The following FSTL5 variants were observed in gnomAD, a reference collection of about 807,000 sequenced individuals.
FSTL5 encodes follistatin like 5, also known as follistatin-related protein 5.
A neutral mutation model predicts 89.1 loss-of-function variants in FSTL5; 62 were observed. The ratio of observed to expected loss-of-function variants is 0.70; its 90% confidence interval spans 0.57 to 0.86. FSTL5 has a LOEUF of 0.86. Ranked by LOEUF, FSTL5 falls within the 40% of genes least tolerant of loss-of-function variation. FSTL5 has a pLI of 0.00. For missense variants in FSTL5, 1,057 were observed against 1,001.6 expected, an observed-to-expected ratio of 1.06 and a Z score of -0.75; for synonymous variants, 383 against 346.2, an observed-to-expected ratio of 1.11 and a Z score of -1.18.
chr4:161,841,895 G>T (rs1731223286), intron 4 of FSTL5, among the ~76,000 whole-genome samples: 1 of 152,120 alleles, frequency 6.6e-6, no homozygotes. Flanking sequence ...TCCCAGCTGG[G>T]CTGCCGGTCT....
At chr4:161,640,120 C>G (rs772240531) in intron 7 of FSTL5, among the ~76,000 whole-genome samples, 1 of 152,102 alleles carries the variant, frequency 6.6e-6, no homozygotes, top group African/African-American at 2.4e-5. Flanking sequence ...ATATCTCAGA[C>G]AGATCTTTGG....
chr4:161,892,002 A>AT (rs199758624), intron 4 of FSTL5, among the ~76,000 whole-genome samples: 19 of 149,816 alleles, frequency 1.3e-4, no homozygotes, highest in South Asian at 4.2e-4. Flanking sequence ...TTTTGCTTCA[A>AT]TTTTTTTTTT....
At chr4:162,134,635 G>A (rs1339581619) in intron 1 of FSTL5, among the ~76,000 whole-genome samples, 1 of 152,184 alleles carries the variant, frequency 6.6e-6, no homozygotes, top group Admixed American at 6.5e-5. Context: ...CATGGAGATT[G>A]TAATTTCATA....
At position 161,384,054 on chromosome 4, in the gene FSTL5, T is replaced by C. The variant is rs1419700676; in HGVS notation, c.*1693A>G. ...TGGTTCATGTTCACAAGGAAGAAAA[T>C]TGCTAAAAAGTAAAGCAGATTCAAT... On this transcript the variant is annotated 3_prime_UTR_variant, in exon 16 of 16. Transcript: ENST00000306100. The C allele has an allele frequency of 2.6e-5, 4 of 152,074 alleles. No homozygotes were observed. Among genetic ancestry groups the C allele is most frequent in the South Asian group, 2.1e-4 (1 of 4,822 alleles). The allele number at this position is 152,074 out of a possible 1,614,324, so 9.4% of individuals were successfully genotyped here.
chr4:161,424,348 T>C (rs1411451669), intron 15 of FSTL5, among the ~76,000 whole-genome samples: 1 of 151,872 alleles, frequency 6.6e-6, no homozygotes, highest in African/African-American at 2.4e-5. Context: ...AATAATCATT[T>C]ACTGTTTAGT....
At chr4:161,831,518 T>C (rs540590940) in intron 4 of FSTL5, among the ~76,000 whole-genome samples, 1 of 149,522 alleles carries the variant, frequency 6.7e-6, no homozygotes, top group African/African-American at 2.5e-5. Flanking sequence ...GCTGTTTTGT[T>C]ACAAAAAAAA....
chr4:161,428,785 C>T (rs116217202), intron 15 of FSTL5, among the ~76,000 whole-genome samples: 2,230 of 152,148 alleles, frequency 0.015, 48 homozygotes, highest in African/African-American at 0.051. Flanking sequence ...TCAAGTGTGA[C>T]GAAGCACATT....
intron 3 of FSTL5, among the ~76,000 whole-genome samples, chr4:162,016,882 A>T (rs1328674237): frequency 6.6e-5 from 10 of 151,970 alleles, no homozygotes; most frequent in Admixed American, 6.6e-4. Flanking sequence ...CCATTTCAGC[A>T]TCTTTTGGAG....
At chr4:161,729,222 A>C (rs1739520225) in intron 6 of FSTL5, among the ~76,000 whole-genome samples, 1 of 152,172 alleles carries the variant, frequency 6.6e-6, no homozygotes, top group Non-Finnish European at 1.5e-5. Flanking sequence ...GGCCAGAATA[A>C]CAAATGATTT....
chr4:161,980,764 C>CT (rs34223215), intron 3 of FSTL5, among the ~76,000 whole-genome samples: 9,033 of 71,838 alleles, frequency 0.13, 2,078 homozygotes, highest in East Asian at 0.2. Context: ...CTTCAAGTAA[C>CT]TTTTTTTTTT....
chr4:161,428,105 A>C (rs1046735821), intron 15 of FSTL5, among the ~76,000 whole-genome samples: 2 of 152,088 alleles, frequency 1.3e-5, no homozygotes, highest in African/African-American at 4.8e-5. Flanking sequence ...AGGACTTTGC[A>C]ATGGAACTCA....
chr4:162,110,279 C>T (rs538769402), intron 2 of FSTL5, among the ~76,000 whole-genome samples: 7 of 151,992 alleles, frequency 4.6e-5, no homozygotes, highest in Admixed American at 4.6e-4. Context: ...AAAATAGTTA[C>T]TTCTTCATAA....
At chr4:162,024,737 T>C (rs765236370) in intron 3 of FSTL5, among the ~76,000 whole-genome samples, 27 of 152,100 alleles carry the variant, frequency 1.8e-4, no homozygotes, top group Non-Finnish European at 3.5e-4. Context: ...TCATAGTTAC[T>C]GCAGCCTTTA....
intron 13 of FSTL5, among the ~76,000 whole-genome samples, chr4:161,471,915 A>G (rs1028984547): frequency 1.3e-5 from 2 of 150,980 alleles, no homozygotes; most frequent in African/African-American, 4.9e-5. Flanking sequence ...TTCATTTTAG[A>G]TTTTATTAAT....
rs186060140 is a variant in FSTL5, at chr4:161,484,084, T to C, written c.1459-2915A>G. ...AAATTTTAATTAGCAATTTAAATAA[T>C]GTTACTCATATCTGATTTGCTAAGC... On this transcript the variant is annotated intron_variant, in intron 12 of 15. Coordinates refer to ENST00000306100, the MANE Select transcript of FSTL5 (RefSeq NM_020116.5). Among the ~76,000 whole-genome samples, 883 of 152,276 alleles carry C rather than the reference T, an allele frequency of 5.8e-3. 9 individuals carry two copies. The highest frequency in any genetic ancestry group is 0.021 in the African/African-American group (853 of 41,550).
chr4:161,525,317 C>A (rs551931041), intron 10 of FSTL5, among the ~76,000 whole-genome samples: 11 of 152,254 alleles, frequency 7.2e-5, no homozygotes, highest in Non-Finnish European at 1.3e-4. Context: ...CATGAATGAA[C>A]AAACCCATTG....
chr4:161,621,650 A>G (rs1033972956), intron 7 of FSTL5, among the ~76,000 whole-genome samples: 1 of 152,030 alleles, frequency 6.6e-6, no homozygotes, highest in Non-Finnish European at 1.5e-5. Flanking sequence ...AAACTCCCCT[A>G]AGATTCATAA....
At chr4:161,406,343 A>T (rs1483540037) in intron 15 of FSTL5, among the ~76,000 whole-genome samples, 3 of 151,870 alleles carry the variant, frequency 2.0e-5, no homozygotes, top group African/African-American at 7.3e-5. Flanking sequence ...TCTTTTAGTG[A>T]TTTCTATTTT....
At chr4:161,881,775 T>C (rs761946568) in intron 4 of FSTL5, among the ~76,000 whole-genome samples, 1 of 152,148 alleles carries the variant, frequency 6.6e-6, no homozygotes, top group Non-Finnish European at 1.5e-5. Flanking sequence ...TCTGGCTCCA[T>C]TCCAGTCTCA....
Sources: allele counts gnomAD v4.1 joint callset (sites outside exome capture counted in the v4.1 genomes callset), GRCh38; gene constraint gnomAD v4.1.1; transcripts MANE v1.5; gene names NCBI Gene and HGNC (gene_info 2026-07-23, HGNC 2026-07-21).